Variants in RFFL observed in about 807,000 individuals in gnomAD.
The protein encoded by RFFL is ring finger and FYVE like domain containing E3 ubiquitin protein ligase.
A neutral mutation model predicts 40.4 loss-of-function variants in RFFL; 16 were observed. The ratio of observed to expected loss-of-function variants is 0.40; its 90% confidence interval spans 0.27 to 0.60. The LOEUF is 0.60. RFFL is among the 20% of genes least tolerant of loss of function. The pLI is 0.47. For missense variants in RFFL, 367 were observed against 451.7 expected, an observed-to-expected ratio of 0.81 and a Z score of 1.70; for synonymous variants, 154 against 167.9, an observed-to-expected ratio of 0.92 and a Z score of 0.64.
intron 1 of RFFL, among the ~76,000 whole-genome samples, chr17:35,044,338 AG>A (rs1373188046): frequency 4.6e-5 from 7 of 152,316 alleles, no homozygotes; most frequent in African/African-American, 1.7e-4. Flanking sequence ...GGCCTCCCAA[AG>A]TGCTGGGATT....
intron 1 of RFFL, among the ~76,000 whole-genome samples, chr17:35,050,715 C>T (rs76321867): frequency 0.025 from 3,845 of 151,892 alleles, 151 homozygotes; most frequent in East Asian, 0.16. Flanking sequence ...GGCACAATGG[C>T]ACATGCCAGC....
Position 35,015,725 on chromosome 17 carries a change from A to G in RFFL, c.886+645T>C, listed in dbSNP as rs866934878. Among the ~76,000 whole-genome samples, 6 of 152,254 alleles carry G rather than the reference A, an allele frequency of 3.9e-5. No homozygotes were observed. In the East Asian group the frequency reaches 9.6e-4, roughly 24 times the overall value. ...TTCTGTGGTGAAATAATTTCAGGAA[A>G]TGCTAAGTTCAAAACAGCCAAAACA... On this transcript the variant is annotated intron_variant, in intron 5 of 6. Transcript: ENST00000394597.
intron 3 of RFFL, among the ~76,000 whole-genome samples, chr17:35,020,264 C>T (rs1259584374): frequency 6.6e-6 from 1 of 151,976 alleles, no homozygotes; most frequent in East Asian, 1.9e-4. Flanking sequence ...CAAGGGTCCC[C>T]AACCCCTGGG....
chr17:35,021,607 A>C lies in RFFL; in HGVS notation c.355T>G (p.Ser119Ala), dbSNP rs766705751. The C allele has an allele frequency of 5.0e-6, 8 of 1,614,212 alleles. No homozygotes were observed. In the South Asian group the frequency reaches 8.8e-5, roughly 18 times the overall value. The change falls in exon 3 of 7, where the codon TCT becomes GCT. Residue 119 changes from serine to alanine, a missense_variant. Ser to Ala is a moderately conservative substitution (Grantham distance 99, BLOSUM62 1). Transcript: ENST00000394597. ...LRDYLSLHDI[S>A]TEMCREKEEL... ...TCTTTCTCCCGGCACATTTCGGTAG[A>C]GATGTCATGGAGGCTGAGATAGTCC...
intron 2 of RFFL, among the ~76,000 whole-genome samples, chr17:35,023,655 T>C (rs1226402850): frequency 6.6e-6 from 1 of 152,234 alleles, no homozygotes; most frequent in Non-Finnish European, 1.5e-5. Context: ...CATAAACCTG[T>C]GGGCCTGACA....
At position 35,057,031 on chromosome 17, in the gene RFFL, T is replaced by A. The variant is rs1048602250; in HGVS notation, c.-9+6545A>T. Among the ~76,000 whole-genome samples the A allele has an allele frequency of 2.0e-5, 3 of 151,406 alleles. No homozygotes were observed. The East Asian group carries it at 5.8e-4, about 29-fold the overall frequency. On this transcript the variant is annotated intron_variant, in intron 1 of 6. Coordinates refer to ENST00000394597, the MANE Select transcript of RFFL (RefSeq NM_001017368.2). Reference sequence around the variant, plus strand: ...CCCGGGTTCCAACAATTCTCCTGCCTCAGCCTCCCGAGTAGCACGGATTAC... The same window carrying A: ...CCCGGGTTCCAACAATTCTCCTGCCACAGCCTCCCGAGTAGCACGGATTAC...
intron 1 of RFFL, among the ~76,000 whole-genome samples, chr17:35,038,381 G>T (rs975497439): frequency 2.0e-5 from 3 of 151,698 alleles, no homozygotes; most frequent in Non-Finnish European, 4.4e-5. Context: ...TTTTGTGTGT[G>T]TGTGCGCGCG....
chr17:35,016,411 ACT>A lies in RFFL; in HGVS notation c.843_844del (p.Arg281SerfsTer36), dbSNP rs763459317. 5 of 1,613,880 alleles carry A rather than the reference ACT, an allele frequency of 3.1e-6. No homozygotes were observed. Among genetic ancestry groups the A allele is most frequent in the Non-Finnish European group, 3.4e-6 (4 of 1,179,956 alleles). ...TTTCTGATCCTTGTATAGCCGGGTC[ACT>A]CTCTCCATCAGCTCCCACTTCTCAC... On this transcript the variant is annotated frameshift_variant, in exon 5 of 7. Transcript: ENST00000394597. LOFTEE classifies it high-confidence loss of function.
intron 1 of RFFL, among the ~76,000 whole-genome samples, chr17:35,032,932 G>A (rs1244141681): frequency 6.6e-6 from 1 of 152,104 alleles, no homozygotes; most frequent in Non-Finnish European, 1.5e-5. Context: ...CTAAGGTTTA[G>A]GAAAGTGTCC....
chr17:35,085,323 G>C (rs1351245721), intron 1 of RFFL, among the ~76,000 whole-genome samples: 1 of 152,182 alleles, frequency 6.6e-6, no homozygotes, highest in East Asian at 1.9e-4. Flanking sequence ...AACAAAACCA[G>C]TAAGGTAAAG....
chr17:35,045,732 T>C (rs561803692), intron 1 of RFFL, among the ~76,000 whole-genome samples: 3 of 152,060 alleles, frequency 2.0e-5, no homozygotes, highest in South Asian at 2.1e-4. Context: ...ATGCTTAAAA[T>C]TGCACAATTG....
At chr17:35,046,630 G>T (rs1308973100) in intron 1 of RFFL, among the ~76,000 whole-genome samples, 1 of 152,202 alleles carries the variant, frequency 6.6e-6, no homozygotes, top group African/African-American at 2.4e-5. Flanking sequence ...TTCTTAAGCG[G>T]TAACTGTTAA....
Position 35,011,956 on chromosome 17 carries a change from C to A in RFFL, c.*12G>T, listed in dbSNP as rs371219702. ...TTTCCCTGTAAGGCACTGAAGAAAC[C>A]GATGCAAGCTCTCAGGACCGGAAGA... is the stretch of plus-strand genomic sequence containing the variant. On this transcript the variant is annotated 3_prime_UTR_variant, in exon 7 of 7. Coordinates refer to ENST00000394597, the MANE Select transcript of RFFL (RefSeq NM_001017368.2). 11 of 1,612,608 alleles carry A rather than the reference C, an allele frequency of 6.8e-6. No homozygotes were observed. Among genetic ancestry groups the A allele is most frequent in the African/African-American group, 1.3e-5 (1 of 74,904 alleles).
chr17:35,038,243 C>G (rs930771729), intron 1 of RFFL, among the ~76,000 whole-genome samples: 1 of 142,308 alleles, frequency 7.0e-6, no homozygotes, highest in Non-Finnish European at 1.5e-5. Flanking sequence ...GAACCCAGAT[C>G]GCACCATTGC....
chr17:35,087,527 C>T (rs944113655), intron 1 of RFFL, among the ~76,000 whole-genome samples: 7 of 152,242 alleles, frequency 4.6e-5, no homozygotes, highest in African/African-American at 1.4e-4. Flanking sequence ...ATTTACAACC[C>T]TTGATCCCAA....
intron 1 of RFFL, among the ~76,000 whole-genome samples, chr17:35,028,752 G>GA (rs1270001955): frequency 6.6e-6 from 1 of 151,966 alleles, no homozygotes; most frequent in Non-Finnish European, 1.5e-5. Context: ...TTTCATCGAG[G>GA]AAAAAAGAAT....
chr17:35,017,590 GAC>G lies in RFFL; in HGVS notation c.606_607del (p.Gln204GlyfsTer17). 1 of 1,610,486 alleles carries G rather than the reference GAC, an allele frequency of 6.2e-7. No individual in the cohort carries two copies. Among genetic ancestry groups the G allele is most frequent in the Non-Finnish European group, 8.5e-7 (1 of 1,178,094 alleles). ...GTAGACGGGTTCCTCTTGATCCTGA[GAC>G]ACATGGCCATTGGCCTGTGGGAAGA... is the stretch of plus-strand genomic sequence containing the variant. On this transcript the variant is annotated frameshift_variant, in exon 4 of 7. Transcript: ENST00000394597. LOFTEE classifies it high-confidence loss of function.
intron 1 of RFFL, among the ~76,000 whole-genome samples, chr17:35,038,037 C>T (rs950099255): frequency 2.0e-5 from 3 of 152,128 alleles, no homozygotes; most frequent in East Asian, 3.9e-4. Flanking sequence ...CCTGTAATCC[C>T]AGCACTTTGG....
intron 1 of RFFL, among the ~76,000 whole-genome samples, chr17:35,050,010 A>G (rs1295725026): frequency 2.0e-5 from 3 of 151,306 alleles, no homozygotes; most frequent in South Asian, 2.1e-4. Flanking sequence ...TGAGCCATGG[A>G]GGCAGAGGTT....
Sources: gnomAD v4.1 joint callset for allele counts (sites outside exome capture counted in the v4.1 genomes callset) on GRCh38, gnomAD v4.1.1 for gene constraint, MANE v1.5 for transcripts, NCBI Gene and HGNC (gene_info 2026-07-23, HGNC 2026-07-21) for gene names.